Variants in HMBOX1 observed in about 807,000 individuals in gnomAD.
HMBOX1 encodes the protein homeobox-containing protein 1.
In HMBOX1, 14 loss-of-function variants were observed where a neutral mutation model predicts 54.5. That is an observed-to-expected ratio of 0.26 (90% CI 0.17 to 0.40). HMBOX1 has a LOEUF of 0.40. Ranked by LOEUF, HMBOX1 falls within the 10% of genes least tolerant of loss-of-function variation. The pLI, the probability that HMBOX1 is intolerant of heterozygous loss-of-function variation, is 1.00. For missense variants in HMBOX1, 332 were observed against 514.4 expected (o/e 0.65, Z 3.43); for synonymous variants, 160 against 181.0 (o/e 0.88, Z 0.93).
intron 1 of HMBOX1, among the ~76,000 whole-genome samples, chr8:28,906,975 TAAATGTTATCAAAATTATTGA>T (rs1234533253): frequency 3.9e-5 from 6 of 152,250 alleles, no homozygotes; most frequent in Admixed American, 2.6e-4. Context: ...GTTATAATGT[TAAATGTTATCAAAATTATTGA>T]AAATGTTATC....
chr8:29,040,828 A>T (rs375371629), intron 6 of HMBOX1, among the ~76,000 whole-genome samples: 14 of 152,268 alleles, frequency 9.2e-5, no homozygotes, highest in East Asian at 7.7e-4. Flanking sequence ...AGATCCTAAA[A>T]ATACAGATTA....
intron 6 of HMBOX1, among the ~76,000 whole-genome samples, chr8:29,028,502 G>C (rs1057469251): frequency 3.3e-5 from 5 of 152,136 alleles, no homozygotes; most frequent in Admixed American, 3.3e-4. Flanking sequence ...CAGTTTATTA[G>C]TACATAGACT....
chr8:28,963,116 C>T (rs1825882811), intron 1 of HMBOX1, among the ~76,000 whole-genome samples: 1 of 152,136 alleles, frequency 6.6e-6, no homozygotes, highest in African/African-American at 2.4e-5. Flanking sequence ...TCCCAAGTAG[C>T]TGGGATTACA....
At chr8:29,037,923 C>T (rs1431611973) in intron 6 of HMBOX1, among the ~76,000 whole-genome samples, 3 of 152,188 alleles carry the variant, frequency 2.0e-5, no homozygotes, top group Non-Finnish European at 4.4e-5. Flanking sequence ...AAGAAATACA[C>T]ACTGAATTGT....
At position 29,018,787 on chromosome 8, in the gene HMBOX1, C is replaced by T. The variant is rs1214245524; in HGVS notation, c.725C>T (p.Pro242Leu). Residue 242 changes from proline to leucine, a missense_variant, in exon 6 of 10, where the codon CCC (proline) becomes CTC (leucine). By Grantham distance (98) the Pro-to-Leu change is moderately conservative. Around this residue, in one of 4 missense-constraint regions of HMBOX1, gnomAD observed 117 missense variants for 220.0 expected, o/e 0.53. Transcript: ENST00000287701. ...GCTACACTAAGTATGAGACCAGCCC[C>T]CATTCCAATAGAGGACCCTGAATGG... ...PGATLSMRPA[P>L]IPIEDPEWRQ... 6.2e-7 allele frequency: 1 copy of T among 1,614,178 alleles called. No individual in the cohort carries two copies. The highest frequency in any genetic ancestry group is 1.1e-5 in the South Asian group (1 of 91,092).
intron 5 of HMBOX1, among the ~76,000 whole-genome samples, chr8:29,016,714 C>T (rs1022927963): frequency 1.2e-4 from 18 of 152,348 alleles, no homozygotes; most frequent in Middle Eastern, 6.8e-3. Flanking sequence ...GTCCCAGGTC[C>T]TCACTGCCTG....
chr8:28,910,239 A>G (rs1007694697), intron 1 of HMBOX1, among the ~76,000 whole-genome samples: 1 of 152,192 alleles, frequency 6.6e-6, no homozygotes, highest in Non-Finnish European at 1.5e-5. Context: ...ACTTTGTAGC[A>G]TGTATCAATA....
chr8:28,899,791 A>G (rs1056397336), intron 1 of HMBOX1, among the ~76,000 whole-genome samples: 1 of 152,172 alleles, frequency 6.6e-6, no homozygotes, highest in Non-Finnish European at 1.5e-5. Flanking sequence ...AAATAAGTAC[A>G]AGTCAAGGAT....
chr8:28,903,457 T>C (rs1007463426), intron 1 of HMBOX1, among the ~76,000 whole-genome samples: 1 of 152,240 alleles, frequency 6.6e-6, no homozygotes, highest in Non-Finnish European at 1.5e-5. Context: ...GTGCCACTAT[T>C]CCAACCATCT....
chr8:29,000,310 A>G (rs1286107687), intron 4 of HMBOX1, among the ~76,000 whole-genome samples: 1 of 152,198 alleles, frequency 6.6e-6, no homozygotes, highest in African/African-American at 2.4e-5. Context: ...CTAGGTCTCA[A>G]GGTCAGCCAG....
At chr8:28,902,388 A>T (rs536266341) in intron 1 of HMBOX1, among the ~76,000 whole-genome samples, 1 of 152,162 alleles carries the variant, frequency 6.6e-6, no homozygotes, top group South Asian at 2.1e-4. Context: ...TATTTAGCCA[A>T]CAATGAGTTA....
chr8:28,963,125 C>A (rs985109485), intron 1 of HMBOX1, among the ~76,000 whole-genome samples: 2 of 152,138 alleles, frequency 1.3e-5, no homozygotes, highest in African/African-American at 4.8e-5. Flanking sequence ...GCTGGGATTA[C>A]AGGCATGTGC....
chr8:29,010,272 C>A, intron 5 of HMBOX1: 1 of 552,286 alleles, frequency 1.8e-6, no homozygotes, highest in Non-Finnish European at 2.3e-6. Context: ...ATAATTATTA[C>A]CATTTGGCTG....
chr8:28,989,862 G>A (rs1830722815), intron 4 of HMBOX1, among the ~76,000 whole-genome samples: 1 of 151,966 alleles, frequency 6.6e-6, no homozygotes. Flanking sequence ...CACTTGTTTA[G>A]GTCTTTTTTA....
intron 1 of HMBOX1, among the ~76,000 whole-genome samples, chr8:28,911,398 T>C (rs981931098): frequency 5.3e-5 from 8 of 152,126 alleles, no homozygotes; most frequent in African/African-American, 1.4e-4. Context: ...CTCTATTGCC[T>C]AGGCTGGAGC....
chr8:28,963,278 C>G (rs1034191221), intron 1 of HMBOX1, among the ~76,000 whole-genome samples: 3 of 152,184 alleles, frequency 2.0e-5, no homozygotes, highest in African/African-American at 7.2e-5. Context: ...GCCACCACGC[C>G]TGGCCTGTTT....
At chr8:28,993,748 A>G (rs1831342745) in intron 4 of HMBOX1, among the ~76,000 whole-genome samples, 1 of 152,240 alleles carries the variant, frequency 6.6e-6, no homozygotes, top group Non-Finnish European at 1.5e-5. Flanking sequence ...AGGGGTTACC[A>G]GTTTGTTCAT....
chr8:28,982,398 T>C (rs1829490653), intron 4 of HMBOX1, among the ~76,000 whole-genome samples: 1 of 152,312 alleles, frequency 6.6e-6, no homozygotes, highest in East Asian at 1.9e-4. Flanking sequence ...CACTCAGTAA[T>C]GGTCATGATG....
intron 4 of HMBOX1, among the ~76,000 whole-genome samples, chr8:28,980,890 C>G (rs1415406823): frequency 6.6e-6 from 1 of 152,068 alleles, no homozygotes; most frequent in Admixed American, 6.5e-5. Context: ...TTTGTAGTTG[C>G]AACATTGTTG....
Sources: allele counts gnomAD v4.1 joint callset (sites outside exome capture counted in the v4.1 genomes callset), GRCh38; gene constraint gnomAD v4.1.1; regional missense constraint gnomAD v4.1.1; transcripts MANE v1.5; gene names NCBI Gene and HGNC (gene_info 2026-07-23, HGNC 2026-07-21).